CCL17: variants seen among roughly 807,000 people sequenced by gnomAD.
The protein encoded by CCL17 is C-C motif chemokine 17.
CCL17 carries 8 observed loss-of-function variants against 7.4 expected under a neutral mutation model. That is an observed-to-expected ratio of 1.09 (90% confidence interval 0.64 to 1.96). The LOEUF is 1.96. Among genes scored for constraint, CCL17 ranks in the 30% most tolerant of loss-of-function variants. The probability of loss-of-function intolerance (pLI) is 0.00; values close to 1 mark genes in which losing one functional copy is unlikely to be tolerated. For synonymous variants in CCL17, 40 were observed against 46.1 expected, an observed-to-expected ratio of 0.87 and a Z score of 0.54; for missense variants, 102 against 113.0, an observed-to-expected ratio of 0.90 and a Z score of 0.44.
the CCL17 span, among the ~76,000 whole-genome samples, chr16:57,399,497 C>G: frequency 6.6e-6 from 1 of 150,984 alleles, no homozygotes; most frequent in African/African-American, 2.5e-5. Flanking sequence ...GTCGCCCAGG[C>G]TGGAGTGCAA....
chr16:57,410,398 C>T (rs572764663), intron 1 of CCL17, among the ~76,000 whole-genome samples: 48 of 152,270 alleles, frequency 3.2e-4, no homozygotes, highest in African/African-American at 8.7e-4. Context: ...GCCGCTCCTC[C>T]CACTCAGATC....
Position 57,414,019 on chromosome 16 carries a change from G to T in CCL17, c.70+17G>T. 6.2e-7 allele frequency: 1 copy of T among 1,605,894 alleles called. No individual in the cohort carries two copies. On this transcript the variant is annotated intron_variant, in intron 2 of 3. Coordinates refer to ENST00000219244, the MANE Select transcript of CCL17 (RefSeq NM_002987.3). The stretch of plus-strand genomic sequence containing the variant: ...TCCACGCAGGTGAGAGCAGGGGACA[G>T]GTGGCCAGGGGCAGGCACCGGGAGG...
At chr16:57,408,687 G>A (rs1391680272) in intron 1 of CCL17, among the ~76,000 whole-genome samples, 4 of 151,936 alleles carry the variant, frequency 2.6e-5, no homozygotes, top group African/African-American at 9.7e-5. Flanking sequence ...TCCTGCCTCA[G>A]CCTCCCGAGC....
the CCL17 span, among the ~76,000 whole-genome samples, chr16:57,398,908 CT>C: frequency 1.3e-5 from 2 of 152,206 alleles, no homozygotes; most frequent in Non-Finnish European, 2.9e-5. Flanking sequence ...AGAGCTATCC[CT>C]AAACCTTGAG....
chr16:57,403,212 TAA>T (rs1491117399), upstream of CCL17, among the ~76,000 whole-genome samples: 19 of 7,866 alleles, frequency 2.4e-3, 9 homozygotes, highest in African/African-American at 0.018. Flanking sequence ...ATAATATATA[TAA>T]TATATATTAT....
upstream of CCL17, among the ~76,000 whole-genome samples, chr16:57,402,064 A>C (rs991585615): frequency 7.9e-5 from 12 of 152,238 alleles, no homozygotes; most frequent in Non-Finnish European, 1.2e-4. Flanking sequence ...GTTCAGGCGA[A>C]AGCCCCACAG....
Position 57,415,909 on chromosome 16 carries a change from C to A in CCL17, c.*48C>A. ...GACTGTCTCCCGGGACTACCTGGGA[C>A]CTCCACCGTTGGTGTTCACCGCCCC... On this transcript the variant is annotated 3_prime_UTR_variant, in exon 4 of 4. Coordinates refer to ENST00000219244, the MANE Select transcript of CCL17 (RefSeq NM_002987.3). This position sits in a 1 kb window ranked among gnomAD's most constrained non-coding sequence, Gnocchi z 4.5. 2.4e-6 allele frequency: 3 copies of A among 1,269,926 alleles called. No individual in the cohort carries two copies. Among genetic ancestry groups the A allele is most frequent in the Non-Finnish European group, 3.5e-6 (3 of 867,522 alleles). 78.7% of individuals were successfully genotyped at this position (1,269,926 alleles called of 1,614,324 possible). A position where few individuals can be genotyped will look rare whatever the true frequency, so the allele number is the denominator to read the frequency against.
the CCL17 span, among the ~76,000 whole-genome samples, chr16:57,398,226 A>G: frequency 6.6e-6 from 1 of 152,018 alleles, no homozygotes; most frequent in Non-Finnish European, 1.5e-5. Flanking sequence ...ATAGCCTCTG[A>G]TACTAACATG....
Position 57,405,479 on chromosome 16 carries a change from T to C in CCL17, c.-60+643T>C, listed in dbSNP as rs564247102. Reference sequence around the variant, plus strand: ...GGGGAGATGGGAAACAATGCTGGCTTGAACAGAAAAAAAGGAGGCTGGTGT... The same window carrying C: ...GGGGAGATGGGAAACAATGCTGGCTCGAACAGAAAAAAAGGAGGCTGGTGT... On this transcript the variant is annotated intron_variant, in intron 1 of 3. Coordinates refer to ENST00000219244, the MANE Select transcript of CCL17 (RefSeq NM_002987.3). Among the ~76,000 whole-genome samples the C allele has an allele frequency of 7.2e-5, 11 of 152,134 alleles. No individual in the cohort carries two copies. The East Asian group carries it at 1.9e-3, about 27-fold the overall frequency.
At chr16:57,398,059 C>T in the CCL17 span, among the ~76,000 whole-genome samples, 31 of 152,274 alleles carry the variant, frequency 2.0e-4, no homozygotes, top group East Asian at 9.6e-4. Context: ...GGCTGAGGGC[C>T]GCACAGGTGC....
chr16:57,411,115 C>T (rs186960479), intron 1 of CCL17, among the ~76,000 whole-genome samples: 1 of 152,354 alleles, frequency 6.6e-6, no homozygotes, highest in East Asian at 1.9e-4. Context: ...TAGCCCTAGG[C>T]CCTACAGCCA....
At chr16:57,402,945 G>A (rs1287387502), upstream of CCL17, among the ~76,000 whole-genome samples, 1 of 147,694 alleles carries the variant, frequency 6.8e-6, no homozygotes, top group African/African-American at 2.5e-5. Flanking sequence ...TGGGGGTACA[G>A]GTGGGAGACA....
the CCL17 span, among the ~76,000 whole-genome samples, chr16:57,397,968 C>G: frequency 6.6e-6 from 1 of 152,142 alleles, no homozygotes; most frequent in Admixed American, 6.5e-5. Flanking sequence ...AAGAGATCCT[C>G]TTGGGTGGCA....
chr16:57,403,563 A>AAATT (rs1902644686), upstream of CCL17, among the ~76,000 whole-genome samples: 1 of 42,450 alleles, frequency 2.4e-5, no homozygotes, highest in Non-Finnish European at 3.7e-5. Context: ...ATATATATAT[A>AAATT]ATATATATTT....
chr16:57,403,530 TATATATTATA>T, upstream of CCL17, among the ~76,000 whole-genome samples: 3 of 29,754 alleles, frequency 1.0e-4, no homozygotes, highest in African/African-American at 8.6e-4. Context: ...ATATATGTTA[TATATATTATA>T]AATATATATT....
chr16:57,410,999 C>T (rs1036570828), intron 1 of CCL17, among the ~76,000 whole-genome samples: 1 of 152,172 alleles, frequency 6.6e-6, no homozygotes, highest in African/African-American at 2.4e-5. Flanking sequence ...CATGCTGTTG[C>T]CCTAATTTAT....
upstream of CCL17, among the ~76,000 whole-genome samples, chr16:57,402,559 CA>C (rs1247793184): frequency 4.6e-5 from 7 of 152,194 alleles, no homozygotes; most frequent in Non-Finnish European, 1.0e-4. Flanking sequence ...GGGTGAACCT[CA>C]AATTTTCCCA....
chr16:57,405,990 C>T (rs905425433), intron 1 of CCL17, among the ~76,000 whole-genome samples: 2 of 151,436 alleles, frequency 1.3e-5, no homozygotes, highest in Non-Finnish European at 2.9e-5. Flanking sequence ...TGCAGTAAGC[C>T]GAGATAGCGC....
chr16:57,399,444 T>C, the CCL17 span, among the ~76,000 whole-genome samples: 7 of 152,160 alleles, frequency 4.6e-5, no homozygotes, highest in Non-Finnish European at 1.0e-4. Context: ...TTCTTTTTTT[T>C]ACTTATTTAT....
Sources: gnomAD v4.1 joint callset for allele counts (sites outside exome capture counted in the v4.1 genomes callset) on GRCh38, gnomAD v4.1.1 for gene constraint, Gnocchi (gnomAD v3.1) non-coding constraint, MANE v1.5 for transcripts, NCBI Gene and HGNC (gene_info 2026-07-23, HGNC 2026-07-21) for gene names.